Variants in MAGI1 observed in about 807,000 individuals in gnomAD.
The protein encoded by MAGI1 is membrane-associated guanylate kinase, WW and PDZ domain-containing protein 1.
MAGI1 carries 58 observed loss-of-function variants against 139.9 expected under a neutral mutation model. That is an observed-to-expected ratio of 0.41 (90% CI 0.34 to 0.52). MAGI1 has a LOEUF of 0.52. Ranked by LOEUF, MAGI1 falls within the 20% of genes least tolerant of loss-of-function variation. MAGI1 has a pLI of 0.12. For missense variants in MAGI1, 1,874 were observed against 1,901.6 expected (o/e 0.99, Z 0.27); for synonymous variants, 812 against 737.9 (o/e 1.10, Z -1.63).
At chr3:65,757,906 C>T (rs2107857711) in intron 1 of MAGI1, among the ~76,000 whole-genome samples, 1 of 147,608 alleles carries the variant, frequency 6.8e-6, no homozygotes, top group South Asian at 2.2e-4. Context: ...CCCAATTTCC[C>T]TTAAACAATA....
chr3:65,517,870 A>G (rs1259576169), intron 2 of MAGI1, among the ~76,000 whole-genome samples: 1 of 152,112 alleles, frequency 6.6e-6, no homozygotes, highest in East Asian at 1.9e-4. Context: ...CAGATCTCCA[A>G]CACCAATTCC....
chr3:65,586,357 A>G (rs766291234), intron 2 of MAGI1, among the ~76,000 whole-genome samples: 1 of 152,304 alleles, frequency 6.6e-6, no homozygotes, highest in Non-Finnish European at 1.5e-5. Context: ...AATGGATATA[A>G]TTGCTTGGAG....
At chr3:65,998,632 G>A (rs2066581182) in intron 1 of MAGI1, among the ~76,000 whole-genome samples, 1 of 152,158 alleles carries the variant, frequency 6.6e-6, no homozygotes, top group South Asian at 2.1e-4. Flanking sequence ...AGAGCCAAAA[G>A]ATAATGATCA....
At chr3:65,810,320 C>CA (rs2041144016) in intron 1 of MAGI1, among the ~76,000 whole-genome samples, 1 of 152,234 alleles carries the variant, frequency 6.6e-6, no homozygotes, top group Non-Finnish European at 1.5e-5. Flanking sequence ...AGGCCTCTCT[C>CA]TTTTATCCAG....
At chr3:65,443,105 A>G (rs1213659017) in intron 7 of MAGI1, among the ~76,000 whole-genome samples, 2 of 152,188 alleles carry the variant, frequency 1.3e-5, no homozygotes, top group Admixed American at 6.5e-5. Context: ...TTTATTCTAA[A>G]TCACTATTAA....
intron 2 of MAGI1, among the ~76,000 whole-genome samples, chr3:65,509,716 G>C (rs938829622): frequency 2.6e-5 from 4 of 152,088 alleles, no homozygotes; most frequent in African/African-American, 9.7e-5. Flanking sequence ...AGGCGGCAAC[G>C]AGGCTGGGGG....
chr3:65,397,383 C>T (rs1349620984), intron 13 of MAGI1, among the ~76,000 whole-genome samples: 1 of 152,114 alleles, frequency 6.6e-6, no homozygotes, highest in African/African-American at 2.4e-5. Context: ...GATAGTGGAA[C>T]AAAAACCTAT....
rs547587467 is a variant in MAGI1, at chr3:65,374,529, G to C, written c.3196+1216C>G. Among the ~76,000 whole-genome samples the C allele has an allele frequency of 5.0e-4, 76 of 152,182 alleles. No homozygotes were observed. The Middle Eastern group carries it at 0.01, about 20-fold the overall frequency. On this transcript the variant is annotated intron_variant, in intron 18 of 22. Transcript: ENST00000402939. Reference sequence around the variant, plus strand: ...GATGGGGTTTCACCATGTTGGCCAGGCTGGTCTCAAACTCCTGACCTCAGG... The same window carrying C: ...GATGGGGTTTCACCATGTTGGCCAGCCTGGTCTCAAACTCCTGACCTCAGG...
In MAGI1 at chr3:65,430,844, T is replaced by C. The variant is rs772125695; in HGVS notation, c.1401A>G (p.Lys467=). The change falls in exon 11 of 23, where the codon AAA becomes AAG. Residue 467 remains lysine, a synonymous_variant. Coordinates refer to ENST00000402939, the MANE Select transcript of MAGI1 (RefSeq NM_001033057.2). ...PFFTRNPSEL[K]GKFIHTKLRK... ...GCAGCTTTGTGTGAATGAACTTGCCTTTCAACTCAGAAGGGTTTCGTGTAA... is the reference window on the plus strand; with the variant it reads ...GCAGCTTTGTGTGAATGAACTTGCCCTTCAACTCAGAAGGGTTTCGTGTAA... 18 of 1,613,548 alleles carry C rather than the reference T, an allele frequency of 1.1e-5. No individual in the cohort carries two copies. In the Middle Eastern group the frequency reaches 9.9e-4, roughly 89 times the overall value.
At chr3:65,530,577 C>T (rs1048289034) in intron 2 of MAGI1, among the ~76,000 whole-genome samples, 27 of 149,534 alleles carry the variant, frequency 1.8e-4, no homozygotes, top group Middle Eastern at 3.5e-3. Flanking sequence ...AGATTGCACA[C>T]GACTCCAGCC....
intron 1 of MAGI1, among the ~76,000 whole-genome samples, chr3:66,028,607 T>C (rs1031894756): frequency 1.3e-5 from 2 of 152,066 alleles, no homozygotes; most frequent in African/African-American, 2.4e-5. Context: ...TTCTCAAGAA[T>C]CATCGTTGAT....
intron 1 of MAGI1, among the ~76,000 whole-genome samples, chr3:65,718,773 C>T (rs2032601557): frequency 6.6e-6 from 1 of 152,108 alleles, no homozygotes; most frequent in African/African-American, 2.4e-5. Context: ...CTCCCAGAAA[C>T]AACATATTTG....
intron 1 of MAGI1, chr3:66,003,801 C>A (rs528117061): frequency 6.6e-6 from 1 of 152,188 alleles, no homozygotes; most frequent in South Asian, 2.1e-4. Context: ...AACTTGGTAA[C>A]TGTGTAGAGC....
At chr3:65,681,613 A>G (rs558369440) in intron 1 of MAGI1, among the ~76,000 whole-genome samples, 1 of 152,254 alleles carries the variant, frequency 6.6e-6, no homozygotes, top group East Asian at 1.9e-4. Flanking sequence ...AATAAATACT[A>G]GCAGACCCTC....
At chr3:65,621,917 T>TCACA (rs56026417) in intron 2 of MAGI1, 55 bp downstream of exon 2, 23,887 of 980,838 alleles carry the variant, frequency 0.024, 337 homozygotes, top group African/African-American at 0.1. Context: ...CCTGGACTTT[T>TCACA]CACACACACA....
At chr3:66,012,047 T>A (rs1487969082) in intron 1 of MAGI1, among the ~76,000 whole-genome samples, 1 of 152,058 alleles carries the variant, frequency 6.6e-6, no homozygotes, top group Non-Finnish European at 1.5e-5. Context: ...CACACAACCT[T>A]GTCTATATCG....
chr3:65,392,106 A>G (rs558563335), intron 13 of MAGI1, among the ~76,000 whole-genome samples: 17 of 152,320 alleles, frequency 1.1e-4, no homozygotes, highest in African/African-American at 3.8e-4. Context: ...CAACTTCTCC[A>G]AAGTCCAAGT....
rs570619413 is a variant in MAGI1, at chr3:65,800,026, C to T, written c.314-177938G>A. Among the ~76,000 whole-genome samples the T allele has an allele frequency of 2.6e-5, 4 of 152,268 alleles. No individual in the cohort carries two copies. In the South Asian group the frequency reaches 8.3e-4, roughly 32 times the overall value. The stretch of plus-strand genomic sequence containing the variant: ...TCAGACTTCCTGAAGGTTCCGACTG[C>T]CTAATTCCAAGTCTACCACTTACTT... On this transcript the variant is annotated intron_variant, in intron 1 of 22. Transcript: ENST00000402939.
chr3:65,693,410 C>T (rs1047063624), intron 1 of MAGI1, among the ~76,000 whole-genome samples: 1 of 152,132 alleles, frequency 6.6e-6, no homozygotes, highest in African/African-American at 2.4e-5. Flanking sequence ...GTCCACAGTG[C>T]CCCCATACAA....
Sources: allele counts gnomAD v4.1 joint callset (sites outside exome capture counted in the v4.1 genomes callset), GRCh38; gene constraint gnomAD v4.1.1; transcripts MANE v1.5; gene names NCBI Gene and HGNC (gene_info 2026-07-23, HGNC 2026-07-21).